The following TMEM38B variants were observed in gnomAD, a reference collection of about 807,000 sequenced individuals.
The protein encoded by TMEM38B is transmembrane protein 38B.
In TMEM38B, 24 loss-of-function variants were observed where a neutral mutation model predicts 28.7. That is an observed-to-expected ratio of 0.84 (90% CI 0.61 to 1.18). The LOEUF (loss-of-function observed/expected upper bound fraction) is 1.18, where lower values mean the gene tolerates loss of function less well. Ranked by LOEUF, TMEM38B falls within the 50% of genes most tolerant of loss-of-function variation. TMEM38B has a pLI of 0.00. For missense variants in TMEM38B, 380 were observed against 350.9 expected (o/e 1.08, Z -0.66); for synonymous variants, 131 against 127.7 (o/e 1.03, Z -0.17).
rs1343519869 is a variant in TMEM38B at position 105,774,046 on chromosome 9, A to G, written c.842A>G (p.Asn281Ser). 6.2e-7 allele frequency: 1 copy of G among 1,613,656 alleles called. No individual in the cohort carries two copies. Among genetic ancestry groups the G allele is most frequent in the Non-Finnish European group, 8.5e-7 (1 of 1,179,722 alleles). Reference sequence around the variant, plus strand: ...AAGCCGGTAGATGTTGCCTCAGATAATGTTAAAAAGAAACATACTAAGAAG... The same window carrying G: ...AAGCCGGTAGATGTTGCCTCAGATAGTGTTAAAAAGAAACATACTAAGAAG... The part of the protein sequence containing the change: ...ASKPVDVASD[N>S]VKKKHTKKNE Residue 281 changes from asparagine to serine, a missense_variant, in exon 6 of 6, where the codon AAT becomes AGT. Transcript: ENST00000374692.
chr9:105,764,347 C>T (rs1353342721), intron 5 of TMEM38B, among the ~76,000 whole-genome samples: 3 of 152,030 alleles, frequency 2.0e-5, no homozygotes, highest in Non-Finnish European at 2.9e-5. Context: ...TGTCTCAGCC[C>T]GAAATCTCCT....
intron 4 of TMEM38B, among the ~76,000 whole-genome samples, chr9:105,747,815 T>C (rs1837479677): frequency 6.6e-6 from 1 of 152,250 alleles, no homozygotes; most frequent in Non-Finnish European, 1.5e-5. Context: ...TCTTTATTTC[T>C]GCCTTCATTT....
At chr9:105,699,665 A>G (rs767909023) in intron 1 of TMEM38B, among the ~76,000 whole-genome samples, 8 of 152,198 alleles carry the variant, frequency 5.3e-5, no homozygotes, top group Non-Finnish European at 1.0e-4. Context: ...CCAGCCTTCT[A>G]TGTAACTTTT....
intron 4 of TMEM38B, among the ~76,000 whole-genome samples, chr9:105,742,858 G>A (rs1837254994): frequency 1.3e-5 from 2 of 152,070 alleles, no homozygotes; most frequent in Admixed American, 1.3e-4. Flanking sequence ...TTAATTTTGT[G>A]TACATTTTAT....
intron 2 of TMEM38B, among the ~76,000 whole-genome samples, chr9:105,713,413 G>A (rs1835980122): frequency 6.6e-6 from 1 of 152,202 alleles, no homozygotes; most frequent in Non-Finnish European, 1.5e-5. Context: ...TTGGAGCAAG[G>A]TTGGGGCTGG....
chr9:105,771,533 C>G (rs943180718), intron 5 of TMEM38B, among the ~76,000 whole-genome samples: 2 of 152,270 alleles, frequency 1.3e-5, no homozygotes, highest in East Asian at 3.9e-4. Flanking sequence ...AAAGACGTTG[C>G]TGTTTTCCTG....
At chr9:105,758,694 A>G in intron 5 of TMEM38B, 1 of 751,674 alleles carries the variant, frequency 1.3e-6, no homozygotes, top group Non-Finnish European at 2.4e-6. Flanking sequence ...AGAATTGAGA[A>G]AAAACAACAT....
chr9:105,763,860 G>A (rs1396371179), intron 5 of TMEM38B, among the ~76,000 whole-genome samples: 6 of 150,926 alleles, frequency 4.0e-5, no homozygotes, highest in African/African-American at 1.2e-4. Context: ...GAATCCAGCA[G>A]CACATCAAAA....
intron 1 of TMEM38B, among the ~76,000 whole-genome samples, chr9:105,704,840 C>T (rs886825886): frequency 2.6e-5 from 4 of 151,940 alleles, no homozygotes; most frequent in African/African-American, 9.7e-5. Context: ...AGGAGAATTG[C>T]TTGAACCCAG....
At chr9:105,754,666 TA>T (rs1837770822) in intron 5 of TMEM38B, among the ~76,000 whole-genome samples, 1 of 152,050 alleles carries the variant, frequency 6.6e-6, no homozygotes, top group Non-Finnish European at 1.5e-5. Context: ...AATGCCCACA[TA>T]AAAACCTAGA....
At chr9:105,722,340 A>G (rs559392982) in intron 3 of TMEM38B, among the ~76,000 whole-genome samples, 194 bp from the exon 4 acceptor site, 11 of 152,316 alleles carry the variant, frequency 7.2e-5, no homozygotes, top group Middle Eastern at 3.4e-3. Context: ...AACAGTTGAC[A>G]TGCTGGTGAA....
intron 2 of TMEM38B, among the ~76,000 whole-genome samples, chr9:105,714,321 GCTCACCCTCCA>G (rs1296553511): frequency 6.6e-6 from 1 of 152,150 alleles, no homozygotes; most frequent in Non-Finnish European, 1.5e-5. Context: ...TCTTTGTCTT[GCTCACCCTCCA>G]CTTGTCTGAA....
intron 4 of TMEM38B, among the ~76,000 whole-genome samples, chr9:105,736,752 G>A (rs966904781): frequency 2.6e-4 from 40 of 152,192 alleles, no homozygotes; most frequent in African/African-American, 9.2e-4. Context: ...TTACATAGTG[G>A]TTTTCATAGG....
At chr9:105,701,241 C>T (rs183721404) in intron 1 of TMEM38B, 1 of 152,130 alleles carries the variant, frequency 6.6e-6, no homozygotes, top group African/African-American at 2.4e-5. Context: ...GTTTGAACTT[C>T]CTACTTTCTG....
intron 5 of TMEM38B, among the ~76,000 whole-genome samples, chr9:105,768,642 A>G (rs1826451599): frequency 6.6e-6 from 1 of 152,144 alleles, no homozygotes; most frequent in African/African-American, 2.4e-5. Context: ...AGTTGTATTT[A>G]TTACGGAATT....
At chr9:105,708,452 T>C (rs777476521) in intron 2 of TMEM38B, among the ~76,000 whole-genome samples, 42 of 152,190 alleles carry the variant, frequency 2.8e-4, no homozygotes, top group Non-Finnish European at 2.9e-4. Context: ...CTACAGATAC[T>C]GAGGGACAAC....
intron 2 of TMEM38B, among the ~76,000 whole-genome samples, chr9:105,710,073 A>C (rs1169496780): frequency 6.6e-6 from 1 of 152,232 alleles, no homozygotes; most frequent in Non-Finnish European, 1.5e-5. Flanking sequence ...GCTTACTTTC[A>C]AACTTGAGGG....
At chr9:105,716,373 T>G (rs1836096402) in intron 2 of TMEM38B, among the ~76,000 whole-genome samples, 1 of 137,744 alleles carries the variant, frequency 7.3e-6, no homozygotes, top group South Asian at 2.3e-4. Flanking sequence ...AGTTGTAGCA[T>G]TTGTGTGTGT....
At chr9:105,701,727 T>C (rs757901841) in intron 1 of TMEM38B, 4 of 152,242 alleles carry the variant, frequency 2.6e-5, no homozygotes, top group Non-Finnish European at 4.4e-5. Flanking sequence ...TTTTGGTTAC[T>C]TTGTTGGTGA....
Sources: allele counts gnomAD v4.1 joint callset (sites outside exome capture counted in the v4.1 genomes callset), GRCh38; gene constraint gnomAD v4.1.1; transcripts MANE v1.5; gene names NCBI Gene and HGNC (gene_info 2026-07-23, HGNC 2026-07-21).